The following TTC29 variants were observed in gnomAD, a reference collection of about 807,000 sequenced individuals.
The protein encoded by TTC29 is tetratricopeptide repeat protein 29.
A neutral mutation model predicts 58.1 loss-of-function variants in TTC29; 49 were observed. That is an observed-to-expected ratio of 0.84 (90% CI 0.67 to 1.07). The LOEUF (loss-of-function observed/expected upper bound fraction) is 1.07. Ranked by LOEUF, TTC29 falls within the 50% of genes least tolerant of loss-of-function variation. TTC29 has a pLI of 0.00. For missense variants in TTC29, 582 were observed against 555.6 expected, an observed-to-expected ratio of 1.05 and a Z score of -0.48; for synonymous variants, 209 against 196.8, an observed-to-expected ratio of 1.06 and a Z score of -0.52.
At chr4:146,740,099 C>A (rs774420351) in intron 11 of TTC29, among the ~76,000 whole-genome samples, 9 of 152,126 alleles carry the variant, frequency 5.9e-5, no homozygotes, top group Non-Finnish European at 1.3e-4. Flanking sequence ...GAAGCAGAGG[C>A]TCCACATGCT....
At chr4:146,821,143 G>A (rs1011228356) in intron 9 of TTC29, among the ~76,000 whole-genome samples, 2 of 152,114 alleles carry the variant, frequency 1.3e-5, no homozygotes, top group Non-Finnish European at 2.9e-5. Context: ...CCATTTATAC[G>A]ACATGTCCAG....
At chr4:146,819,766 T>C (rs1751690703) in intron 10 of TTC29, among the ~76,000 whole-genome samples, 1 of 152,202 alleles carries the variant, frequency 6.6e-6, no homozygotes, top group Non-Finnish European at 1.5e-5. Flanking sequence ...GAGATGAATG[T>C]CAGTGGAAGC....
chr4:146,735,933 T>A (rs1744678814), intron 11 of TTC29, among the ~76,000 whole-genome samples: 1 of 152,070 alleles, frequency 6.6e-6, no homozygotes, highest in African/African-American at 2.4e-5. Flanking sequence ...GGTAGAAATA[T>A]TTAGATGGTT....
intron 11 of TTC29, among the ~76,000 whole-genome samples, chr4:146,761,901 T>G (rs1253677371): frequency 6.6e-6 from 1 of 151,850 alleles, no homozygotes; most frequent in Non-Finnish European, 1.5e-5. Context: ...AAATTATGCC[T>G]TTGTGACGGA....
intron 2 of TTC29, among the ~76,000 whole-genome samples, chr4:146,941,035 G>C (rs912705940): frequency 6.6e-6 from 1 of 152,190 alleles, no homozygotes; most frequent in African/African-American, 2.4e-5. Context: ...AATTAGGAAG[G>C]CAAGTCTATA....
At chr4:146,712,138 T>C (rs1253978027) in intron 11 of TTC29, among the ~76,000 whole-genome samples, 4 of 152,144 alleles carry the variant, frequency 2.6e-5, no homozygotes, top group Non-Finnish European at 4.4e-5. Context: ...ATCTGGTTTT[T>C]ATAAACCCAG....
At position 146,903,637 on chromosome 4, in the gene TTC29, G is replaced by T. The variant is rs371165649; in HGVS notation, c.493C>A (p.Arg165=). The T allele has an allele frequency of 1.2e-6, 2 of 1,612,782 alleles. No homozygotes were observed. Residue 165 remains arginine (R), a synonymous_variant, in exon 6 of 13, where the codon CGA becomes AGA. Coordinates refer to ENST00000325106, the MANE Select transcript of TTC29 (RefSeq NM_031956.4). ...ATCAGCTGAGCAATCTTAAAACATCGTTCATAGAAGTGGTTCCTTACCCAC... is the reference window on the plus strand; with the variant it reads ...ATCAGCTGAGCAATCTTAAAACATCTTTCATAGAAGTGGTTCCTTACCCAC... ...DKWVRNHFYE[R]CFKIAQLIKI... is the part of the protein sequence containing the mutation.
At chr4:146,827,693 G>T (rs1373264264) in intron 9 of TTC29, among the ~76,000 whole-genome samples, 1 of 152,152 alleles carries the variant, frequency 6.6e-6, no homozygotes, top group Non-Finnish European at 1.5e-5. Flanking sequence ...ATTAAAAATT[G>T]TGTAAATGTA....
rs575715185 is a variant in TTC29, at chr4:146,741,232, G to A, written c.1331-33681C>T. Reference sequence around the variant, plus strand: ...GTGTGAAATTTTTAGATGACTATACGCAAGTATTTTTATGCTGGAATAAAA... The same window carrying A: ...GTGTGAAATTTTTAGATGACTATACACAAGTATTTTTATGCTGGAATAAAA... On this transcript the variant is annotated intron_variant, in intron 11 of 12. Transcript: ENST00000325106. Among the ~76,000 whole-genome samples the A allele has an allele frequency of 1.4e-4, 21 of 152,246 alleles. No individual in the cohort carries two copies. The South Asian group carries it at 3.7e-3, about 27-fold the overall frequency.
At chr4:146,809,776 G>C (rs1750885140) in intron 10 of TTC29, among the ~76,000 whole-genome samples, 1 of 149,992 alleles carries the variant, frequency 6.7e-6, no homozygotes, top group Admixed American at 6.8e-5. Context: ...AGATGCCGGA[G>C]AGAATGTGGA....
chr4:146,756,878 T>C (rs1398400572), intron 11 of TTC29, among the ~76,000 whole-genome samples: 2 of 152,120 alleles, frequency 1.3e-5, no homozygotes, highest in East Asian at 3.9e-4. Context: ...GTTTCCTAAA[T>C]TTTTTATTGT....
chr4:146,853,525 T>C (rs1729644516), intron 8 of TTC29, among the ~76,000 whole-genome samples: 2 of 152,162 alleles, frequency 1.3e-5, no homozygotes, highest in Non-Finnish European at 2.9e-5. Context: ...ATTTACTTTT[T>C]TTCTGAATTT....
chr4:146,812,375 T>C lies in TTC29; in HGVS notation c.1101+7750A>G, dbSNP rs141200836. Among the ~76,000 whole-genome samples the C allele has an allele frequency of 5.8e-3, 882 of 152,314 alleles. 10 individuals carry two copies. The highest frequency in any genetic ancestry group is 0.02 in the African/African-American group (843 of 41,572). On this transcript the variant is annotated intron_variant, in intron 10 of 12. Transcript: ENST00000325106. ...GGACATAGATATGAATTTCCAGTTA[T>C]TTTTATATGTTATTAAGTTAAAATT...
chr4:146,718,577 G>T (rs530467062), intron 11 of TTC29, among the ~76,000 whole-genome samples: 3 of 152,256 alleles, frequency 2.0e-5, no homozygotes, highest in African/African-American at 7.2e-5. Context: ...TCTTTCTGTA[G>T]AGTTGTTTGA....
At chr4:146,823,719 C>A (rs1249476366) in intron 9 of TTC29, among the ~76,000 whole-genome samples, 1 of 152,168 alleles carries the variant, frequency 6.6e-6, no homozygotes, top group African/African-American at 2.4e-5. Flanking sequence ...GATACTGATT[C>A]TTCCTATCCA....
At chr4:146,718,563 G>A (rs1170353382) in intron 11 of TTC29, among the ~76,000 whole-genome samples, 1 of 152,052 alleles carries the variant, frequency 6.6e-6, no homozygotes, top group African/African-American at 2.4e-5. Flanking sequence ...TAGACCATTT[G>A]CTTTCTTTCT....
intron 9 of TTC29, among the ~76,000 whole-genome samples, chr4:146,822,723 A>T (rs1388873389): frequency 6.6e-6 from 1 of 152,232 alleles, no homozygotes; most frequent in African/African-American, 2.4e-5. Context: ...TTCCACCAAC[A>T]GTGTATAAGT....
At chr4:146,880,459 G>A (rs1262408957) in intron 6 of TTC29, among the ~76,000 whole-genome samples, 1 of 152,194 alleles carries the variant, frequency 6.6e-6, no homozygotes, top group South Asian at 2.1e-4. Context: ...CCCAAACAAT[G>A]TTGTAAACTG....
intron 11 of TTC29, among the ~76,000 whole-genome samples, chr4:146,768,292 T>C (rs1329077117): frequency 2.6e-5 from 4 of 151,910 alleles, no homozygotes; most frequent in African/African-American, 9.7e-5. Flanking sequence ...GAGCAGTCGA[T>C]GAGGAAGGGG....
Sources: gnomAD v4.1 joint callset for allele counts (sites outside exome capture counted in the v4.1 genomes callset) on GRCh38, gnomAD v4.1.1 for gene constraint, MANE v1.5 for transcripts, NCBI Gene and HGNC (gene_info 2026-07-23, HGNC 2026-07-21) for gene names.